Variants in RC3H1 observed in about 807,000 individuals in gnomAD.
The protein encoded by RC3H1 is ring finger and CCCH-type domains 1, also known as roquin-1.
In RC3H1, 50 loss-of-function variants were observed where a neutral mutation model predicts 138.2. That is an observed-to-expected ratio of 0.36 (90% CI 0.29 to 0.46). The LOEUF is 0.46. RC3H1 is among the 20% of genes least tolerant of loss of function. RC3H1 has a pLI of 1.00. For missense variants in RC3H1, 1,031 were observed against 1,388.1 expected, an observed-to-expected ratio of 0.74 and a Z score of 4.09; for synonymous variants, 462 against 489.1, an observed-to-expected ratio of 0.94 and a Z score of 0.73.
intron 1 of RC3H1, among the ~76,000 whole-genome samples, chr1:173,997,111 G>C (rs898462415): frequency 7.2e-5 from 11 of 152,056 alleles, no homozygotes; most frequent in South Asian, 4.1e-4. Flanking sequence ...TGTAGTCCCA[G>C]CTATATGGGA....
intron 1 of RC3H1, among the ~76,000 whole-genome samples, chr1:173,999,510 T>TA (rs1291873188): frequency 6.6e-6 from 1 of 152,214 alleles, no homozygotes; most frequent in Non-Finnish European, 1.5e-5. Flanking sequence ...CCTTAGCTGT[T>TA]AAATTCAAAT....
Position 173,952,133 on chromosome 1 carries a change from C to T in RC3H1, c.2376G>A (p.Leu792=). ...LPPTFHPEEF[L]DEDLKVAGKY... ...TCCCAGCTACCTTCAAGTCTTCATC[C>T]AAAAACTACAGATGGAGAAAGAAAA... The change falls in exon 14 of 20, where the codon TTG becomes TTA. Residue 792 remains leucine (L), a synonymous_variant. Coordinates refer to ENST00000367696, the MANE Select transcript of RC3H1 (RefSeq NM_172071.4). 1 of 1,356,762 alleles carries T rather than the reference C, an allele frequency of 7.4e-7. No homozygotes were observed. The highest frequency in any genetic ancestry group is 9.6e-7 in the Non-Finnish European group (1 of 1,042,828). The allele number at this position is 1,356,762 out of a possible 1,614,324, so 84.0% of individuals were successfully genotyped here.
chr1:173,962,768 T>C (rs1033149467), intron 11 of RC3H1, among the ~76,000 whole-genome samples: 1 of 152,216 alleles, frequency 6.6e-6, no homozygotes, highest in East Asian at 1.9e-4. Context: ...CTGCTTAATA[T>C]AGCTAAAATA....
chr1:173,948,654 T>G (rs997548191), intron 14 of RC3H1, among the ~76,000 whole-genome samples: 1 of 152,156 alleles, frequency 6.6e-6, no homozygotes, highest in East Asian at 1.9e-4. Context: ...CAGGTTGGAC[T>G]GCAGTGATGT....
chr1:173,947,820 G>A (rs1659201075), intron 14 of RC3H1, among the ~76,000 whole-genome samples: 1 of 152,084 alleles, frequency 6.6e-6, no homozygotes, highest in Non-Finnish European at 1.5e-5. Context: ...ATGGCTCACT[G>A]CATCCTCAAC....
At chr1:174,017,783 CAAAAA>C (rs61239660) in intron 1 of RC3H1, among the ~76,000 whole-genome samples, 5,075 of 71,860 alleles carry the variant, frequency 0.071, 150 homozygotes, top group Non-Finnish European at 0.092. Flanking sequence ...TTTTCTTGCT[CAAAAA>C]AAAAAAAAAA....
intron 9 of RC3H1, among the ~76,000 whole-genome samples, chr1:173,968,108 A>G (rs1008533038): frequency 1.3e-5 from 2 of 152,274 alleles, no homozygotes; most frequent in East Asian, 3.9e-4. Context: ...AACTCCTCCT[A>G]GATTCTCTAT....
chr1:173,946,201 C>CA (rs1400435113), intron 17 of RC3H1, among the ~76,000 whole-genome samples: 90 of 151,404 alleles, frequency 5.9e-4, no homozygotes, highest in African/African-American at 1.9e-3. Flanking sequence ...AACAAACAAA[C>CA]AAACAAAAAA....
chr1:173,964,741 A>C (rs1365628116), intron 10 of RC3H1, 98 bp downstream of exon 10: 32 of 1,168,048 alleles, frequency 2.7e-5, no homozygotes, highest in Non-Finnish European at 3.6e-5. Context: ...AAAAATAATC[A>C]GGGTTTTTTT....
At chr1:173,947,093 A>C (rs1557920733) in intron 15 of RC3H1, among the ~76,000 whole-genome samples, 2 of 152,140 alleles carry the variant, frequency 1.3e-5, no homozygotes, top group Non-Finnish European at 1.5e-5. Flanking sequence ...TATAATGAGA[A>C]TGTTATTCCC....
chr1:173,957,162 T>A (rs190383935), intron 13 of RC3H1, among the ~76,000 whole-genome samples: 2 of 152,284 alleles, frequency 1.3e-5, no homozygotes, highest in African/African-American at 4.8e-5. Flanking sequence ...TGATTCTAGA[T>A]AATGTTCCTT....
intron 1 of RC3H1, among the ~76,000 whole-genome samples, chr1:173,993,873 A>T (rs1250413987): frequency 1.3e-5 from 2 of 150,518 alleles, no homozygotes; most frequent in African/African-American, 2.4e-5. Context: ...TACAAAAATT[A>T]GCCAGGCGTG....
intron 2 of RC3H1, 53 bp from the exon 3 acceptor site, chr1:173,984,672 A>G (rs1660952460): frequency 6.3e-7 from 1 of 1,580,588 alleles, no homozygotes; most frequent in Admixed American, 1.9e-5. Context: ...TAATTGTTTT[A>G]TTTAGTATAG....
rs1295844842 is a variant in RC3H1, at chr1:173,931,471, C to T, written c.*7250G>A. 1.3e-5 allele frequency: 2 copies of T among 152,086 alleles called. No individual in the cohort carries two copies. Among genetic ancestry groups the T allele is most frequent in the Non-Finnish European group, 2.9e-5 (2 of 68,012 alleles). 9.4% of individuals were successfully genotyped at this position (152,086 alleles called of 1,614,324 possible). A position where few individuals can be genotyped will look rare whatever the true frequency, so the allele number is the denominator to read the frequency against. On this transcript the variant is annotated 3_prime_UTR_variant, in exon 20 of 20. Coordinates refer to ENST00000367696, the MANE Select transcript of RC3H1 (RefSeq NM_172071.4). ...GATATAAACATGCACACAAATAATA[C>T]AAAATTGAGAAAGATGGCCCTAGTA... is the stretch of plus-strand genomic sequence containing the variant.
At chr1:174,007,086 C>T (rs896127945) in intron 1 of RC3H1, among the ~76,000 whole-genome samples, 1 of 152,010 alleles carries the variant, frequency 6.6e-6, no homozygotes, top group African/African-American at 2.4e-5. Flanking sequence ...TAGTTTTGCC[C>T]GGTTTAAAAT....
At position 173,938,623 on chromosome 1, in the gene RC3H1, C is replaced by T. The variant is rs1658697188; in HGVS notation, c.*98G>A. 11 of 864,044 alleles carry T rather than the reference C, an allele frequency of 1.3e-5. No individual in the cohort carries two copies. The highest frequency in any genetic ancestry group is 2.6e-4 in the Middle Eastern group (1 of 3,916). The allele number at this position is 864,044 out of a possible 1,614,324, so 53.5% of individuals were successfully genotyped here. On this transcript the variant is annotated 3_prime_UTR_variant, in exon 20 of 20. Transcript: ENST00000367696. ...GGTGAATTTCCTGGATTTCTCTGACCGCTCTTAAGAGAAAAAGTTTAGAAG... is the reference window on the plus strand; with the variant it reads ...GGTGAATTTCCTGGATTTCTCTGACTGCTCTTAAGAGAAAAAGTTTAGAAG...
At chr1:173,966,820 A>G (rs1660141870) in intron 9 of RC3H1, among the ~76,000 whole-genome samples, 1 of 152,334 alleles carries the variant, frequency 6.6e-6, no homozygotes, top group Non-Finnish European at 1.5e-5. Flanking sequence ...GAGGTTGGGG[A>G]GAAAACTACC....
chr1:173,976,953 C>T (rs1323715096), intron 7 of RC3H1, among the ~76,000 whole-genome samples: 2 of 143,466 alleles, frequency 1.4e-5, no homozygotes, highest in African/African-American at 2.6e-5. Flanking sequence ...GACGGAGTCT[C>T]GCTCTGTTGC....
chr1:174,020,547 C>T (rs1417399157), intron 1 of RC3H1, among the ~76,000 whole-genome samples: 2 of 152,132 alleles, frequency 1.3e-5, no homozygotes, highest in Non-Finnish European at 2.9e-5. Flanking sequence ...AAGAACACAA[C>T]CTATAACCCT....
Sources: allele counts gnomAD v4.1 joint callset (sites outside exome capture counted in the v4.1 genomes callset), GRCh38; gene constraint gnomAD v4.1.1; transcripts MANE v1.5; gene names NCBI Gene and HGNC (gene_info 2026-07-23, HGNC 2026-07-21).